Variants in LRRC4C observed in about 807,000 individuals in gnomAD.
The protein encoded by LRRC4C is leucine rich repeat containing 4C.
Under a neutral mutation model 33.6 loss-of-function variants are expected in LRRC4C, and 5 were observed. The ratio of observed to expected loss-of-function variants is 0.15; its 90% CI spans 0.08 to 0.31. The LOEUF (loss-of-function observed/expected upper bound fraction) is 0.31, where lower values mean the gene tolerates loss of function less well. Ranked by LOEUF, LRRC4C falls within the 10% of genes least tolerant of loss-of-function variation. The pLI is 1.00. For synonymous variants in LRRC4C, 329 were observed against 302.0 expected, an observed-to-expected ratio of 1.09 and a Z score of -0.93; for missense variants, 560 against 796.7, an observed-to-expected ratio of 0.70 and a Z score of 3.58.
intron 2 of LRRC4C, among the ~76,000 whole-genome samples, chr11:40,656,207 C>T (rs554681010): frequency 6.0e-5 from 9 of 148,932 alleles, no homozygotes; most frequent in East Asian, 2.0e-4. Context: ...AAGCAGATTC[C>T]GTACTGTTTT....
intron 1 of LRRC4C, among the ~76,000 whole-genome samples, chr11:41,125,457 G>A (rs554620352): frequency 6.6e-6 from 1 of 151,768 alleles, no homozygotes; most frequent in South Asian, 2.1e-4. Context: ...GTATTATTAT[G>A]TATCATTAAC....
At chr11:41,062,579 G>A (rs1937869232) in intron 1 of LRRC4C, among the ~76,000 whole-genome samples, 1 of 152,266 alleles carries the variant, frequency 6.6e-6, no homozygotes, top group Non-Finnish European at 1.5e-5. Context: ...GCATGGGGAT[G>A]CAAGAATGAG....
intron 1 of LRRC4C, among the ~76,000 whole-genome samples, chr11:41,305,227 T>TGGGG (rs1271452950): frequency 3.2e-5 from 1 of 30,836 alleles, no homozygotes; most frequent in African/African-American, 8.6e-5. Flanking sequence ...GGGAGGGAGG[T>TGGGG]GGGGGGGTCA....
rs545573769 is a variant in LRRC4C at position 40,467,695 on chromosome 11, C to A, written c.-269-147974G>T. On this transcript the variant is annotated intron_variant, in intron 3 of 6. Coordinates refer to ENST00000528697, the MANE Select transcript of LRRC4C (RefSeq NM_001258419.2). Reference sequence around the variant, plus strand: ...TATGCAAAAATGGACACTGACACAGCAAGACATTTGCTATTTTCAAAATTC... The same window carrying A: ...TATGCAAAAATGGACACTGACACAGAAAGACATTTGCTATTTTCAAAATTC... Among the ~76,000 whole-genome samples, 515 of 152,208 alleles carry A rather than the reference C, an allele frequency of 3.4e-3. 1 individual carries two copies. The highest frequency in any genetic ancestry group is 5.0e-3 in the Non-Finnish European group (340 of 68,008).
chr11:41,008,666 C>T (rs1301416733), intron 1 of LRRC4C, among the ~76,000 whole-genome samples: 2 of 152,070 alleles, frequency 1.3e-5, no homozygotes, highest in Non-Finnish European at 2.9e-5. Flanking sequence ...CCTTTCCTTC[C>T]TCCCACCTTG....
At chr11:40,571,064 T>G (rs891930405) in intron 3 of LRRC4C, among the ~76,000 whole-genome samples, 12 of 152,146 alleles carry the variant, frequency 7.9e-5, no homozygotes, top group Non-Finnish European at 1.2e-4. Context: ...GTCTCTAATG[T>G]TCTCTCTTTT....
chr11:41,111,254 A>C (rs1941813787), intron 1 of LRRC4C, among the ~76,000 whole-genome samples: 2 of 151,972 alleles, frequency 1.3e-5, no homozygotes, highest in African/African-American at 4.8e-5. Context: ...ACTCTTTACA[A>C]CTTCTTGATG....
At chr11:40,558,203 T>G (rs1957405106) in intron 3 of LRRC4C, among the ~76,000 whole-genome samples, 2 of 152,202 alleles carry the variant, frequency 1.3e-5, no homozygotes, top group Admixed American at 1.3e-4. Context: ...TTAAAATGAA[T>G]GTACTGAATG....
intron 3 of LRRC4C, among the ~76,000 whole-genome samples, chr11:40,590,163 G>A (rs1163534951): frequency 6.6e-6 from 1 of 151,752 alleles, no homozygotes; most frequent in African/African-American, 2.4e-5. Context: ...ATTTCTTGGA[G>A]GCTTTGCTTG....
intron 1 of LRRC4C, among the ~76,000 whole-genome samples, chr11:41,381,205 T>TA (rs1156338201): frequency 9.9e-5 from 15 of 152,118 alleles, no homozygotes; most frequent in Admixed American, 6.6e-4. Flanking sequence ...CTGTTAAACT[T>TA]AAAAAACACC....
At chr11:40,228,312 C>T (rs1864957407) in intron 5 of LRRC4C, among the ~76,000 whole-genome samples, 1 of 152,188 alleles carries the variant, frequency 6.6e-6, no homozygotes, top group South Asian at 2.1e-4. Context: ...TTTTTATCCT[C>T]ACATTTGCCA....
At chr11:40,566,525 A>G (rs899552000) in intron 3 of LRRC4C, among the ~76,000 whole-genome samples, 1 of 152,106 alleles carries the variant, frequency 6.6e-6, no homozygotes, top group Non-Finnish European at 1.5e-5. Flanking sequence ...CAGAACTACA[A>G]GAGATTATTT....
Position 40,132,391 on chromosome 11 carries a change from A to G in LRRC4C, c.-43+8410T>C, listed in dbSNP as rs150145628. On this transcript the variant is annotated intron_variant, in intron 6 of 6. Transcript: ENST00000528697. Reference sequence around the variant, plus strand: ...TGCCAAACAACTTAAACACCAGTACACTGGTGACATTTTGTCACTCCACGT... The same window carrying G: ...TGCCAAACAACTTAAACACCAGTACGCTGGTGACATTTTGTCACTCCACGT... Among the ~76,000 whole-genome samples, 481 of 152,284 alleles carry G rather than the reference A, an allele frequency of 3.2e-3. 5 individuals are homozygous for G. Among genetic ancestry groups the G allele is most frequent in the African/African-American group, 0.011 (464 of 41,556 alleles).
intron 2 of LRRC4C, among the ~76,000 whole-genome samples, chr11:40,900,274 G>T (rs1956147242): frequency 6.6e-6 from 1 of 152,072 alleles, no homozygotes; most frequent in African/African-American, 2.4e-5. Flanking sequence ...GGGTTTGTGT[G>T]TTGGTTTGAA....
At chr11:40,431,951 C>A (rs888568365) in intron 3 of LRRC4C, among the ~76,000 whole-genome samples, 4 of 152,152 alleles carry the variant, frequency 2.6e-5, no homozygotes. Context: ...GATTTATGGT[C>A]AGGACCCAAG....
At chr11:41,433,096 C>T (rs74471280) in intron 1 of LRRC4C, among the ~76,000 whole-genome samples, 7,165 of 152,096 alleles carry the variant, frequency 0.047, 222 homozygotes, top group East Asian at 0.13. Flanking sequence ...CAAGTAATAG[C>T]CCAAAATCAC....
intron 3 of LRRC4C, among the ~76,000 whole-genome samples, chr11:40,361,092 A>C (rs1440797686): frequency 6.6e-6 from 1 of 152,206 alleles, no homozygotes; most frequent in Non-Finnish European, 1.5e-5. Context: ...GAAGGAACAT[A>C]CATCAAAATA....
At chr11:41,395,457 T>A (rs561966672) in intron 1 of LRRC4C, among the ~76,000 whole-genome samples, 1 of 152,140 alleles carries the variant, frequency 6.6e-6, no homozygotes, top group African/African-American at 2.4e-5. Context: ...AGATTATGAT[T>A]GGACCATCAC....
intron 2 of LRRC4C, among the ~76,000 whole-genome samples, chr11:40,908,332 C>T (rs1956519622): frequency 6.6e-6 from 1 of 152,054 alleles, no homozygotes; most frequent in African/African-American, 2.4e-5. Flanking sequence ...TACTTTCCTT[C>T]TTGAATGAAA....
Sources: allele counts gnomAD v4.1 joint callset (sites outside exome capture counted in the v4.1 genomes callset), GRCh38; gene constraint gnomAD v4.1.1; transcripts MANE v1.5; gene names NCBI Gene and HGNC (gene_info 2026-07-23, HGNC 2026-07-21).